Variants in PLCH1 observed in about 807,000 individuals in gnomAD.
The protein encoded by PLCH1 is phospholipase C eta 1.
Under a neutral mutation model 126.7 loss-of-function variants are expected in PLCH1, and 60 were observed. That is an observed-to-expected ratio of 0.47 (90% confidence interval 0.38 to 0.59). The LOEUF is 0.59. PLCH1 is among the 20% of genes least tolerant of loss of function. The probability of loss-of-function intolerance (pLI) is 0.00; values close to 1 mark genes in which losing one functional copy is unlikely to be tolerated. For synonymous variants in PLCH1, 719 were observed against 734.9 expected (o/e 0.98, Z 0.35); for missense variants, 1,723 against 2,040.0 (o/e 0.84, Z 2.99).
chr3:155,522,535 C>T (rs192189722), intron 11 of PLCH1, among the ~76,000 whole-genome samples: 34 of 152,312 alleles, frequency 2.2e-4, no homozygotes, highest in Admixed American at 5.2e-4. Flanking sequence ...GAAGTGTCTA[C>T]TGAGACATCA....
chr3:155,574,946 C>T (rs558412863), intron 6 of PLCH1, among the ~76,000 whole-genome samples: 8 of 152,082 alleles, frequency 5.3e-5, no homozygotes, highest in South Asian at 4.2e-4. Flanking sequence ...GCCTTGCCAA[C>T]GTGGTGAAAC....
At chr3:155,569,855 G>A (rs962264493) in intron 6 of PLCH1, among the ~76,000 whole-genome samples, 8 of 152,112 alleles carry the variant, frequency 5.3e-5, no homozygotes, top group Non-Finnish European at 8.8e-5. Context: ...AAGCAATGAA[G>A]AAACAACAAA....
chr3:155,710,864 T>C (rs2109103583), intron 1 of PLCH1, among the ~76,000 whole-genome samples: 1 of 147,800 alleles, frequency 6.8e-6, no homozygotes, highest in East Asian at 2.0e-4. Flanking sequence ...TTTTAAAATA[T>C]AGCTGCATGT....
chr3:155,488,096 C>A lies in PLCH1; in HGVS notation c.2551G>T (p.Val851Phe), dbSNP rs776369569. The A allele has an allele frequency of 1.9e-6, 3 of 1,605,216 alleles. No individual in the cohort carries two copies. In the African/African-American group the frequency reaches 4.0e-5, roughly 21 times the overall value. The change falls in exon 21 of 23, where the codon GTC becomes TTC. Residue 851 changes from valine (V) to phenylalanine (F), a missense_variant. Transcript: ENST00000460012. ...FSSLVPGYRH[V>F]YLEGLTEASI... is the part of the protein sequence containing the mutation. ...GCTTCTGTCAGTCCTTCCAAATAGA[C>A]ATGCCGGTAGCCTGATAAAAGGAAA...
chr3:155,465,033 T>C (rs900749496), intron 21 of PLCH1, among the ~76,000 whole-genome samples: 2 of 146,408 alleles, frequency 1.4e-5, no homozygotes, highest in Non-Finnish European at 3.0e-5. Context: ...GGTGTGAACC[T>C]GGGAGGTGGA....
In PLCH1 at chr3:155,564,961, C is replaced by T; in HGVS notation, c.1023G>A (p.Val341=). 6.2e-7 allele frequency: 1 copy of T among 1,614,022 alleles called. No homozygotes were observed. The highest frequency in any genetic ancestry group is 2.2e-5 in the East Asian group (1 of 44,876). The change falls in exon 8 of 23, where the codon GTG becomes GTA. Residue 341 remains valine (V), a synonymous_variant. Coordinates refer to ENST00000460012, the MANE Select transcript of PLCH1 (RefSeq NM_014996.4). ...CTTGCAGCACCCGTGCATACATATC[C>T]ACTTTGGACTGAGAAAGGAGCTGGT... is the stretch of plus-strand genomic sequence containing the variant. The part of the protein sequence containing the change: ...TGDQLLSQSK[V]DMYARVLQEG...
At chr3:155,676,107 C>T (rs1324192236) in intron 2 of PLCH1, 1 of 1,419,030 alleles carries the variant, frequency 7.0e-7, no homozygotes, top group Non-Finnish European at 9.3e-7. Flanking sequence ...AAAGCCTTTT[C>T]CTGATACACA....
intron 10 of PLCH1, among the ~76,000 whole-genome samples, chr3:155,547,806 C>T (rs1159578513): frequency 2.4e-4 from 35 of 146,548 alleles, no homozygotes; most frequent in Admixed American, 1.4e-3. Flanking sequence ...AACCAAACAC[C>T]GCATATTCTC....
intron 8 of PLCH1, among the ~76,000 whole-genome samples, chr3:155,564,096 C>A (rs1438868383): frequency 6.6e-6 from 1 of 152,030 alleles, no homozygotes; most frequent in Non-Finnish European, 1.5e-5. Context: ...TATAGGTGTA[C>A]AATACCATGC....
At chr3:155,460,577 G>A (rs1406901632) in intron 21 of PLCH1, among the ~76,000 whole-genome samples, 1 of 152,098 alleles carries the variant, frequency 6.6e-6, no homozygotes, top group Non-Finnish European at 1.5e-5. Flanking sequence ...AAGGAGCAGT[G>A]TTAGCCCCCC....
intron 2 of PLCH1, among the ~76,000 whole-genome samples, chr3:155,691,580 T>A (rs778773388): frequency 6.6e-6 from 1 of 152,222 alleles, no homozygotes. Context: ...GTAGAGCAGA[T>A]ATCTACAGGG....
At chr3:155,591,622 G>T (rs1022031144) in intron 4 of PLCH1, among the ~76,000 whole-genome samples, 1 of 152,028 alleles carries the variant, frequency 6.6e-6, no homozygotes, top group Non-Finnish European at 1.5e-5. Flanking sequence ...ATGCAACAGA[G>T]TTTATTATTA....
intron 11 of PLCH1, among the ~76,000 whole-genome samples, chr3:155,518,906 A>G (rs1720706334): frequency 6.6e-6 from 1 of 152,210 alleles, no homozygotes; most frequent in South Asian, 2.1e-4. Context: ...CAGCAAGGAA[A>G]GGCTCAAAAT....
intron 15 of PLCH1, among the ~76,000 whole-genome samples, chr3:155,495,108 T>C (rs189277376): frequency 6.6e-5 from 10 of 152,180 alleles, no homozygotes; most frequent in African/African-American, 2.4e-4. Context: ...AAAGGAATAA[T>C]AATGGAGAAA....
intron 1 of PLCH1, among the ~76,000 whole-genome samples, chr3:155,739,264 C>T (rs1041068985): frequency 6.6e-6 from 1 of 152,208 alleles, no homozygotes; most frequent in Non-Finnish European, 1.5e-5. Flanking sequence ...TCTATCAATA[C>T]TACCTCAAGA....
intron 12 of PLCH1, 54 bp from the exon 13 acceptor site, chr3:155,504,680 T>C: frequency 4.7e-6 from 6 of 1,280,238 alleles, no homozygotes; most frequent in Non-Finnish European, 6.8e-6. Flanking sequence ...TTTGTCTTTT[T>C]CCTTAGTTCT....
intron 1 of PLCH1, among the ~76,000 whole-genome samples, chr3:155,709,190 C>T (rs562300855): frequency 6.6e-6 from 1 of 152,278 alleles, no homozygotes; most frequent in East Asian, 1.9e-4. Context: ...TACTGATGAA[C>T]ATCTTAGTTG....
intron 1 of PLCH1, among the ~76,000 whole-genome samples, chr3:155,732,364 C>A (rs1459015671): frequency 6.6e-6 from 1 of 150,656 alleles, no homozygotes; most frequent in Admixed American, 6.6e-5. Context: ...TATAGAAAAC[C>A]CTAAAGACTA....
intron 21 of PLCH1, among the ~76,000 whole-genome samples, chr3:155,471,730 T>G (rs1173954042): frequency 1.3e-5 from 2 of 151,526 alleles, no homozygotes; most frequent in South Asian, 4.2e-4. Context: ...AAACTATCTC[T>G]CAGACCACAG....
Sources: gnomAD v4.1 joint callset for allele counts (sites outside exome capture counted in the v4.1 genomes callset) on GRCh38, gnomAD v4.1.1 for gene constraint, MANE v1.5 for transcripts, NCBI Gene and HGNC (gene_info 2026-07-23, HGNC 2026-07-21) for gene names.